MTMR3: variants seen among roughly 807,000 people sequenced by gnomAD.
The protein encoded by MTMR3 is phosphatidylinositol-3,5-bisphosphate 3-phosphatase MTMR3.
Under a neutral mutation model 132.4 loss-of-function variants are expected in MTMR3, and 32 were observed. The observed-to-expected ratio is 0.24, with a 90% CI of 0.18 to 0.32. The LOEUF (loss-of-function observed/expected upper bound fraction) is 0.32, where lower values mean the gene tolerates loss of function less well. Among genes scored for constraint, MTMR3 ranks in the 10% least tolerant of loss-of-function variants. The probability of loss-of-function intolerance (pLI) is 1.00; values close to 1 mark genes in which losing one functional copy is unlikely to be tolerated. For synonymous variants in MTMR3, 556 were observed against 550.3 expected (o/e 1.01, Z -0.14); for missense variants, 1,216 against 1,489.6 (o/e 0.82, Z 3.02).
At chr22:30,021,140 G>A (rs531480503) in intron 17 of MTMR3, 4 of 515,096 alleles carry the variant, frequency 7.8e-6, no homozygotes, top group African/African-American at 5.7e-5. Flanking sequence ...TGCACTGCAT[G>A]GTTGATCAGA....
chr22:30,018,080 C>T lies in MTMR3; in HGVS notation c.1820+8C>T, dbSNP rs751010952. ...TGATCCCCCCCTGAGCCGGTGAGCC[C>T]AGGGTGATGCCACAGGCCTGACAGC... is the stretch of plus-strand genomic sequence containing the variant. On this transcript the variant is annotated splice_region_variant and intron_variant, in intron 16 of 19. Transcript: ENST00000401950. The T allele has an allele frequency of 4.9e-5, 78 of 1,595,296 alleles. No homozygotes were observed. The highest frequency in any genetic ancestry group is 6.4e-5 in the Non-Finnish European group (75 of 1,173,280).
chr22:30,018,817 ATTAAT>A (rs1368230600), intron 16 of MTMR3: 1 of 152,220 alleles, frequency 6.6e-6, no homozygotes, highest in African/African-American at 2.4e-5. Context: ...TAGATAATAC[ATTAAT>A]TTAAAATACT....
At chr22:29,993,986 A>T in intron 7 of MTMR3, 1 of 345,746 alleles carries the variant, frequency 2.9e-6, no homozygotes, top group Non-Finnish European at 4.1e-6. Context: ...CAAAGAATTT[A>T]TGCTCTCTGT....
chr22:30,007,055 T>C, intron 9 of MTMR3, 59 bp from the exon 10 acceptor site: 1 of 1,576,400 alleles, frequency 6.3e-7, no homozygotes, highest in Non-Finnish European at 8.7e-7. Context: ...AAATCTATTT[T>C]GTGTGAGTAC....
At chr22:29,889,004 T>C (rs2145699417) in intron 1 of MTMR3, among the ~76,000 whole-genome samples, 1 of 152,116 alleles carries the variant, frequency 6.6e-6, no homozygotes, top group South Asian at 2.1e-4. Flanking sequence ...ATAAGGAAAT[T>C]ATAAGTATAT....
At chr22:29,919,307 T>G (rs2065365453) in intron 1 of MTMR3, among the ~76,000 whole-genome samples, 1 of 152,188 alleles carries the variant, frequency 6.6e-6, no homozygotes, top group Non-Finnish European at 1.5e-5. Flanking sequence ...TACTTAAAAG[T>G]AAATGACATT....
At chr22:29,935,149 TATTTC>T (rs1489724046) in intron 1 of MTMR3, among the ~76,000 whole-genome samples, 3 of 152,232 alleles carry the variant, frequency 2.0e-5, no homozygotes, top group African/African-American at 7.2e-5. Flanking sequence ...GAGATAATTC[TATTTC>T]TTTTGAGAGG....
intron 14 of MTMR3, chr22:30,015,454 T>G (rs2145959734): frequency 6.6e-6 from 1 of 152,174 alleles, no homozygotes; most frequent in South Asian, 2.1e-4. Context: ...TCCCTCCTTT[T>G]GTTTGGGGCA....
intron 1 of MTMR3, among the ~76,000 whole-genome samples, chr22:29,905,540 C>T (rs1018619150): frequency 2.5e-4 from 38 of 152,282 alleles, no homozygotes; most frequent in Non-Finnish European, 3.2e-4. Context: ...CTAGGGAATT[C>T]AGAAGTATAA....
At chr22:29,964,150 TCGTATA>T (rs2066369269) in intron 2 of MTMR3, among the ~76,000 whole-genome samples, 1 of 152,224 alleles carries the variant, frequency 6.6e-6, no homozygotes, top group Admixed American at 6.5e-5. Flanking sequence ...CATGCATTAC[TCGTATA>T]TCTAATTTTA....
rs746428793 is a variant in MTMR3, at chr22:29,971,042, T to A, written c.-18T>A. 6.4e-7 allele frequency: 1 copy of A among 1,555,236 alleles called. No homozygotes were observed. The highest frequency in any genetic ancestry group is 1.1e-5 in the South Asian group (1 of 87,196). On this transcript the variant is annotated 5_prime_UTR_variant, in exon 3 of 20. Transcript: ENST00000401950. ...AAGAAGGGACGGGGATTTCTCCTCCTAATCTGGGCCTCTTGTCATGGTAAG... is the reference window on the plus strand; with the variant it reads ...AAGAAGGGACGGGGATTTCTCCTCCAAATCTGGGCCTCTTGTCATGGTAAG...
At chr22:30,016,298 G>A (rs921821028) in intron 14 of MTMR3, 13 of 471,900 alleles carry the variant, frequency 2.8e-5, no homozygotes, top group Non-Finnish European at 4.2e-5. Flanking sequence ...TATTTATCAC[G>A]GAAGCTAAGA....
intron 7 of MTMR3, chr22:29,992,587 AGT>A (rs2066986215): frequency 1.3e-5 from 2 of 152,180 alleles, no homozygotes; most frequent in Non-Finnish European, 1.5e-5. Flanking sequence ...ACTGACTTTT[AGT>A]GTGTCAGGTT....
intron 1 of MTMR3, among the ~76,000 whole-genome samples, chr22:29,938,546 G>C (rs939180328): frequency 3.3e-5 from 5 of 152,090 alleles, no homozygotes; most frequent in Admixed American, 2.6e-4. Flanking sequence ...AATTTTTCTT[G>C]GTCATTAGAG....
intron 1 of MTMR3, among the ~76,000 whole-genome samples, chr22:29,935,456 G>C (rs1451550925): frequency 6.6e-6 from 1 of 152,152 alleles, no homozygotes. Context: ...ATTTAAAAAA[G>C]TGCTAGTGTA....
intron 1 of MTMR3, among the ~76,000 whole-genome samples, chr22:29,945,958 A>T (rs893485461): frequency 4.6e-5 from 7 of 152,126 alleles, no homozygotes; most frequent in African/African-American, 1.4e-4. Flanking sequence ...GAGTGTTAAA[A>T]GATTTGACCA....
intron 1 of MTMR3, among the ~76,000 whole-genome samples, chr22:29,933,192 TCTC>T (rs1442490873): frequency 6.6e-6 from 1 of 151,962 alleles, no homozygotes; most frequent in East Asian, 1.9e-4. Context: ...ATGGTCTTGA[TCTC>T]CTGACCTCAT....
At chr22:29,944,015 T>G (rs1367285244) in intron 1 of MTMR3, among the ~76,000 whole-genome samples, 1 of 151,710 alleles carries the variant, frequency 6.6e-6, no homozygotes, top group Non-Finnish European at 1.5e-5. Context: ...GATGGGATTT[T>G]GCCATGTTGC....
At position 29,963,348 on chromosome 22, in the gene MTMR3, G is replaced by C. The variant is rs1276531512; in HGVS notation, c.-85+6260G>C. Among the ~76,000 whole-genome samples, 3 of 150,708 alleles carry C rather than the reference G, an allele frequency of 2.0e-5. No homozygotes were observed. The East Asian group carries it at 5.9e-4, about 29-fold the overall frequency. On this transcript the variant is annotated intron_variant, in intron 2 of 19. Transcript: ENST00000401950. ...TGTGCTGACTACATCTTTTCAAAGT[G>C]TTGGGATTATAGGCATGAGCCACTG...
Sources: allele counts gnomAD v4.1 joint callset (sites outside exome capture counted in the v4.1 genomes callset), GRCh38; gene constraint gnomAD v4.1.1; transcripts MANE v1.5; gene names NCBI Gene and HGNC (gene_info 2026-07-23, HGNC 2026-07-21).